Variants in HMGCS1 observed in about 807,000 individuals in gnomAD.
HMGCS1 encodes the protein hydroxymethylglutaryl-CoA synthase, cytoplasmic.
In HMGCS1, 9 loss-of-function variants were observed where a neutral mutation model predicts 52.3. That is an observed-to-expected ratio of 0.17 (90% CI 0.10 to 0.30). The LOEUF is 0.30. Among genes scored for constraint, HMGCS1 ranks in the 10% least tolerant of loss-of-function variants. HMGCS1 has a pLI of 1.00. For synonymous variants in HMGCS1, 176 were observed against 214.4 expected (o/e 0.82, Z 1.57); for missense variants, 320 against 620.9 (o/e 0.52, Z 5.15).
chr5:43,296,928 GC>G, intron 5 of HMGCS1, 73 bp downstream of exon 5: 1 of 1,076,568 alleles, frequency 9.3e-7, no homozygotes, highest in Non-Finnish European at 1.4e-6. Context: ...CAAAGTAGTT[GC>G]CTACCAAAGA....
intron 7 of HMGCS1, chr5:43,294,448 C>G: frequency 2.0e-6 from 1 of 493,456 alleles, no homozygotes; most frequent in Non-Finnish European, 3.6e-6. Context: ...AACTGTAGGT[C>G]AAGAATTAAA....
chr5:43,300,772 G>A (rs1050180596), intron 2 of HMGCS1, among the ~76,000 whole-genome samples: 2 of 150,072 alleles, frequency 1.3e-5, no homozygotes, highest in African/African-American at 4.9e-5. Context: ...TCCAGCCTGG[G>A]TGATGGTGAG....
intron 1 of HMGCS1, among the ~76,000 whole-genome samples, chr5:43,311,140 C>A (rs1455622100): frequency 6.6e-6 from 1 of 152,100 alleles, no homozygotes; most frequent in East Asian, 1.9e-4. Flanking sequence ...GTCTGACCAA[C>A]ATGGTGACAC....
intron 2 of HMGCS1, among the ~76,000 whole-genome samples, chr5:43,304,175 A>C (rs1754453473): frequency 1.3e-5 from 2 of 152,362 alleles, no homozygotes; most frequent in Non-Finnish European, 2.9e-5. Context: ...GAAAAAGACT[A>C]GTCCATAGGC....
intron 2 of HMGCS1, among the ~76,000 whole-genome samples, chr5:43,302,260 T>C (rs1255332718): frequency 6.6e-6 from 1 of 152,214 alleles, no homozygotes; most frequent in East Asian, 1.9e-4. Context: ...TGCTAAATAC[T>C]ACCCAATCTT....
At chr5:43,292,732 T>G in intron 9 of HMGCS1, 95 bp from the exon 10 acceptor site, 1 of 1,493,424 alleles carries the variant, frequency 6.7e-7, no homozygotes, top group Middle Eastern at 2.3e-4. Flanking sequence ...CCAATAATTT[T>G]CACTGACATC....
intron 1 of HMGCS1, among the ~76,000 whole-genome samples, chr5:43,309,446 C>T (rs1231012866): frequency 1.3e-5 from 2 of 152,002 alleles, no homozygotes; most frequent in Admixed American, 1.3e-4. Flanking sequence ...TGCCATCTTT[C>T]CCAGGCTGTT....
At chr5:43,292,357 C>A in intron 10 of HMGCS1, 117 bp downstream of exon 10, 1 of 699,918 alleles carries the variant, frequency 1.4e-6, no homozygotes, top group Non-Finnish European at 2.4e-6. Context: ...GGAAATAGTA[C>A]AGCTAGAATC....
chr5:43,313,041 C>T, intron 1 of HMGCS1: 1 of 153,232 alleles, frequency 6.5e-6, no homozygotes, highest in Non-Finnish European at 1.5e-5. Context: ...GTCACAGCTG[C>T]CTCTCTGGCA....
Position 43,294,792 on chromosome 5 carries a change from T to G in HMGCS1, c.975A>C (p.Glu325Asp). ...ATGCCTTTGTTTTCTGACTGAAGAG[T>G]TCAGAGCTAGCCTTCATAAATGCCT... is the stretch of plus-strand genomic sequence containing the variant. ...VEKAFMKASSELFSQKTKASL... is the reference protein window; with the variant it reads ...VEKAFMKASSDLFSQKTKASL... Residue 325 changes from glutamate to aspartate, a missense_variant, in exon 7 of 11, where the codon GAA becomes GAC. Physicochemically the swap from Glu to Asp is conservative, Grantham distance 45. Transcript: ENST00000325110. 9.3e-6 allele frequency: 15 copies of G among 1,611,630 alleles called. No individual in the cohort carries two copies. Among genetic ancestry groups the G allele is most frequent in the Non-Finnish European group, 1.3e-5 (15 of 1,178,004 alleles).
At chr5:43,299,152 T>C (rs1289318618) in intron 2 of HMGCS1, among the ~76,000 whole-genome samples, 177 bp from the exon 3 acceptor site, 1 of 152,204 alleles carries the variant, frequency 6.6e-6, no homozygotes, top group Non-Finnish European at 1.5e-5. Flanking sequence ...ATTATATGAA[T>C]GGAATATTAT....
rs1754120454 is a variant in HMGCS1, at chr5:43,297,993, T to C, written c.574+16A>G. On this transcript the variant is annotated intron_variant, in intron 4 of 10. Coordinates refer to ENST00000325110, the MANE Select transcript of HMGCS1 (RefSeq NM_001098272.3). ...ATTGTGCTAAAAAAAACAAAAATGCTTTCCCAAGCACTTACCTCGTTCAAA... is the reference window on the plus strand; with the variant it reads ...ATTGTGCTAAAAAAAACAAAAATGCCTTCCCAAGCACTTACCTCGTTCAAA... 2 of 1,604,920 alleles carry C rather than the reference T, an allele frequency of 1.2e-6. No individual in the cohort carries two copies. Among genetic ancestry groups the C allele is most frequent in the African/African-American group, 2.7e-5 (2 of 74,306 alleles).
Position 43,288,448 on chromosome 5 carries a change from T to A in HMGCS1, c.*2683A>T, listed in dbSNP as rs1462962337. ...GTTGACTGCCACTTCAGTGTTTCTT[T>A]CAGGACACTCCAAACAGCAGACAAG... On this transcript the variant is annotated 3_prime_UTR_variant, in exon 11 of 11. Transcript: ENST00000325110. The A allele has an allele frequency of 6.6e-6, 1 of 152,200 alleles. No individual in the cohort carries two copies. The allele number at this position is 152,200 out of a possible 1,614,324, so 9.4% of individuals were successfully genotyped here.
In HMGCS1 at chr5:43,298,498, G is replaced by A. The variant is rs377052864; in HGVS notation, c.448+20C>T. The A allele has an allele frequency of 2.4e-5, 38 of 1,583,870 alleles. No homozygotes were observed. The South Asian group carries it at 4.0e-4, about 17-fold the overall frequency. On this transcript the variant is annotated intron_variant, in intron 3 of 10. Transcript: ENST00000325110. The surrounding 1 kb of genome is among the most constrained non-coding windows in gnomAD (Gnocchi z 5.6). ...AGAAAAAAATTTTGGGGGACGGCGGGGAATAGGCATGTAACATACCATCCC... is the reference window on the plus strand; with the variant it reads ...AGAAAAAAATTTTGGGGGACGGCGGAGAATAGGCATGTAACATACCATCCC...
At position 43,298,189 on chromosome 5, in the gene HMGCS1, A is replaced by G; in HGVS notation, c.449-55T>C. On this transcript the variant is annotated intron_variant, in intron 3 of 10. Coordinates refer to ENST00000325110, the MANE Select transcript of HMGCS1 (RefSeq NM_001098272.3). The surrounding 1 kb of genome is among the most constrained non-coding windows in gnomAD (Gnocchi z 5.6). Reference sequence around the variant, plus strand: ...AAGGAATTCAACACTATAACCAAACATGGAAACTGAAGTCTGTTATATTTT... The same window carrying G: ...AAGGAATTCAACACTATAACCAAACGTGGAAACTGAAGTCTGTTATATTTT... The G allele has an allele frequency of 6.9e-7, 1 of 1,448,784 alleles. No homozygotes were observed. The highest frequency in any genetic ancestry group is 9.5e-7 in the Non-Finnish European group (1 of 1,052,780). The allele number at this position is 1,448,784 out of a possible 1,614,324, so 89.7% of individuals were successfully genotyped here.
In HMGCS1 at chr5:43,290,092, CA is replaced by C. The variant is rs879117446; in HGVS notation, c.*1038del. ...TACCTTATTTTCATTGAACAGATAC[CA>C]AAAAAAAAAAAAAAAGGAAAAGGAA... On this transcript the variant is annotated 3_prime_UTR_variant, in exon 11 of 11. Coordinates refer to ENST00000325110, the MANE Select transcript of HMGCS1 (RefSeq NM_001098272.3). 3,983 of 96,646 alleles carry C rather than the reference CA, an allele frequency of 0.041. 89 individuals carry two copies. The highest frequency in any genetic ancestry group is 0.099 in the African/African-American group (2,671 of 26,984). The allele number at this position is 96,646 out of a possible 1,614,324, so 6.0% of individuals were successfully genotyped here.
chr5:43,306,290 A>T (rs1184043719), intron 2 of HMGCS1, among the ~76,000 whole-genome samples: 1 of 152,226 alleles, frequency 6.6e-6, no homozygotes, highest in African/African-American at 2.4e-5. Context: ...GAAATGAAAG[A>T]GAACTGGAAA....
Position 43,294,154 on chromosome 5 carries a change from G to A in HMGCS1, c.1085C>T (p.Pro362Leu). 1 of 1,604,600 alleles carries A rather than the reference G, an allele frequency of 6.2e-7. No homozygotes were observed. The highest frequency in any genetic ancestry group is 8.5e-7 in the Non-Finnish European group (1 of 1,171,372). The change falls in exon 8 of 11, where the codon CCT becomes CTT. Residue 362 changes from proline to leucine, a missense_variant. By Grantham distance (98) the Pro-to-Leu change is moderately conservative (BLOSUM62 -3). Transcript: ENST00000325110. ...SLASVLAQYS[P>L]QQLAGKRIGV... The stretch of plus-strand genomic sequence containing the variant: ...AATTCTCTTCCCTGCTAATTGCTGA[G>A]GTGAGTACCTATGTAGGGTGTAACA...
At position 43,294,693 on chromosome 5, in the gene HMGCS1, T is replaced by C; in HGVS notation, c.1074A>G (p.Ala358=). Residue 358 remains alanine, a splice_region_variant and synonymous_variant, in exon 7 of 11, where the codon GCA becomes GCG. Transcript: ENST00000325110. ...TAGTAGGTGAAATTTATACTTACTGTGCTAGAACAGATGCAAGGGAACCAT... is the reference window on the plus strand; with the variant it reads ...TAGTAGGTGAAATTTATACTTACTGCGCTAGAACAGATGCAAGGGAACCAT... ...SVYGSLASVL[A]QYSPQQLAGK... is the part of the protein sequence containing the mutation. 1 of 1,605,998 alleles carries C rather than the reference T, an allele frequency of 6.2e-7. No individual in the cohort carries two copies. Among genetic ancestry groups the C allele is most frequent in the Non-Finnish European group, 8.5e-7 (1 of 1,175,170 alleles).
Sources: gnomAD v4.1 joint callset for allele counts (sites outside exome capture counted in the v4.1 genomes callset) on GRCh38, gnomAD v4.1.1 for gene constraint, Gnocchi (gnomAD v3.1) non-coding constraint, MANE v1.5 for transcripts, NCBI Gene and HGNC (gene_info 2026-07-23, HGNC 2026-07-21) for gene names.